Variants in TYK2 observed in about 807,000 individuals in gnomAD.
TYK2 encodes tyrosine kinase 2.
TYK2 carries 65 observed loss-of-function variants against 130.9 expected under a neutral mutation model. The ratio of observed to expected loss-of-function variants is 0.50; its 90% CI spans 0.41 to 0.61. TYK2 has a LOEUF of 0.61. TYK2 is among the 20% of genes least tolerant of loss of function. The pLI is 0.00. For synonymous variants in TYK2, 647 were observed against 658.9 expected (o/e 0.98, Z 0.28); for missense variants, 1,378 against 1,610.7 (o/e 0.86, Z 2.47).
At chr19:10,375,510 A>G (rs1052421390) in intron 3 of TYK2, among the ~76,000 whole-genome samples, 3 of 151,982 alleles carry the variant, frequency 2.0e-5, no homozygotes, top group African/African-American at 7.2e-5. Flanking sequence ...CCAGCTACTC[A>G]GGCGGCTGAG....
intron 9 of TYK2, among the ~76,000 whole-genome samples, chr19:10,363,881 TC>T (rs749334527): frequency 3.2e-4 from 49 of 151,934 alleles, no homozygotes; most frequent in Admixed American, 1.2e-3. Context: ...AATGGCCACT[TC>T]CCCCTCCCCT....
In TYK2 at chr19:10,359,305, G is replaced by T; in HGVS notation, c.2048-3C>A. The T allele has an allele frequency of 6.2e-7, 1 of 1,610,572 alleles. No homozygotes were observed. On this transcript the variant is annotated splice_region_variant and splice_polypyrimidine_tract_variant and intron_variant, in intron 14 of 24. Coordinates refer to ENST00000525621, the MANE Select transcript of TYK2 (RefSeq NM_003331.5). ...CACGTACTCTGTCACCATGATATCT[G>T]TAAAGACACAGCTGCTCTGGGGCAA...
chr19:10,358,226 G>T, intron 15 of TYK2, 88 bp from the exon 16 acceptor site: 1 of 1,327,820 alleles, frequency 7.5e-7, no homozygotes, highest in Non-Finnish European at 1.0e-6. Context: ...CAGCCAATGT[G>T]AAAAGGACAA....
At chr19:10,358,554 G>C (rs200188555) in intron 15 of TYK2, among the ~76,000 whole-genome samples, 1 of 151,956 alleles carries the variant, frequency 6.6e-6, no homozygotes, top group East Asian at 1.9e-4. Context: ...CCTGAGCTCA[G>C]GTGATCCTCC....
intron 3 of TYK2, among the ~76,000 whole-genome samples, chr19:10,377,455 G>C (rs1027413635): frequency 7.1e-6 from 1 of 141,742 alleles, no homozygotes; most frequent in African/African-American, 2.6e-5. Context: ...TGGATGAATG[G>C]GTGGGAGGAT....
At chr19:10,374,881 T>G (rs2042057796) in intron 3 of TYK2, among the ~76,000 whole-genome samples, 1 of 147,948 alleles carries the variant, frequency 6.8e-6, no homozygotes, top group Non-Finnish European at 1.5e-5. Context: ...AGACTTCGTT[T>G]CAAAAAAAAA....
chr19:10,366,041 G>C, intron 6 of TYK2, 143 bp from the exon 7 acceptor site: 1 of 967,082 alleles, frequency 1.0e-6, no homozygotes, highest in Non-Finnish European at 1.5e-6. Flanking sequence ...GGTGACTTGA[G>C]CCTGTAGTCT....
intron 23 of TYK2, among the ~76,000 whole-genome samples, chr19:10,352,225 C>A (rs1401463311): frequency 6.6e-6 from 1 of 151,956 alleles, no homozygotes; most frequent in Non-Finnish European, 1.5e-5. Flanking sequence ...GCGCCCGCCA[C>A]CACGCCTGGC....
At chr19:10,373,010 T>C (rs1374938692) in intron 3 of TYK2, among the ~76,000 whole-genome samples, 2 of 151,338 alleles carry the variant, frequency 1.3e-5, no homozygotes, top group African/African-American at 2.4e-5. Flanking sequence ...ACTACAGGCA[T>C]GTGCCACCAT....
rs748253254 is a variant in TYK2, at chr19:10,354,091, C to A, written c.2859G>T (p.Thr953=). Residue 953 remains threonine (T), a synonymous_variant, in exon 20 of 25, where the codon ACG becomes ACT. Coordinates refer to ENST00000525621, the MANE Select transcript of TYK2 (RefSeq NM_003331.5). ...GWKQEIDILR[T]LYHEHIIKYK... is the part of the protein sequence containing the mutation. Reference sequence around the variant, plus strand: ...ACTTGATGATGTGCTCGTGGTAGAGCGTGCGCAGAATGTCAATCTCCTGCT... The same window carrying A: ...ACTTGATGATGTGCTCGTGGTAGAGAGTGCGCAGAATGTCAATCTCCTGCT... 3 of 1,613,972 alleles carry A rather than the reference C, an allele frequency of 1.9e-6. No individual in the cohort carries two copies. Among genetic ancestry groups the A allele is most frequent in the Admixed American group, 1.7e-5 (1 of 60,012 alleles).
chr19:10,353,535 A>G lies in TYK2; in HGVS notation c.3020T>C (p.Ile1007Thr). The G allele has an allele frequency of 6.7e-7, 1 of 1,500,726 alleles. No individual in the cohort carries two copies. The highest frequency in any genetic ancestry group is 8.9e-7 in the Non-Finnish European group (1 of 1,121,734). 93.0% of individuals were successfully genotyped at this position (1,500,726 alleles called of 1,614,324 possible). ...GGGGCGGGGCCGACCAACCTCGCAGATCTGCTGGGCGAAGAGCAGCAGCTG... is the reference window on the plus strand; with the variant it reads ...GGGGCGGGGCCGACCAACCTCGCAGGTCTGCTGGGCGAAGAGCAGCAGCTG... ...LAQLLLFAQQ[I>T]CEGMAYLHAQ... The change falls in exon 21 of 25, where the codon ATC becomes ACC. Residue 1007 changes from isoleucine (I) to threonine (T), a missense_variant. Transcript: ENST00000525621. This position sits in a 1 kb window ranked among gnomAD's most constrained non-coding sequence, Gnocchi z 6.9.
At chr19:10,359,656 C>A (rs1339493193) in intron 14 of TYK2, among the ~76,000 whole-genome samples, 1 of 150,092 alleles carries the variant, frequency 6.7e-6, no homozygotes, top group Non-Finnish European at 1.5e-5. Context: ...GGGCAGCCTG[C>A]CCAACATGAT....
chr19:10,372,484 A>ATATATATATATATTT (rs1390400916), intron 3 of TYK2, among the ~76,000 whole-genome samples: 1 of 37,424 alleles, frequency 2.7e-5, no homozygotes, highest in African/African-American at 1.3e-4. Context: ...ATATATATAT[A>ATATATATATATATTT]TTTTTTTTTT....
chr19:10,378,031 TGGGTGGATGGATGGGTGGTTGGGA>T (rs1419127406), intron 3 of TYK2, among the ~76,000 whole-genome samples, 159 bp downstream of exon 3: 18 of 101,840 alleles, frequency 1.8e-4, no homozygotes, highest in South Asian at 3.6e-4. Context: ...GATGGGTGGG[TGGGTGGATGGATGGGTGGTTGGGA>T]GGGTGGATGG....
At chr19:10,351,901 G>C (rs540947539) in intron 23 of TYK2, among the ~76,000 whole-genome samples, 2 of 151,956 alleles carry the variant, frequency 1.3e-5, no homozygotes, top group Non-Finnish European at 2.9e-5. Flanking sequence ...CACCACGCCC[G>C]GCTAATTTTT....
In TYK2 at chr19:10,359,156, C is replaced by T. The variant is rs779772773; in HGVS notation, c.2175+19G>A. Reference sequence around the variant, plus strand: ...TGGCCCTCCCTGACCGACCCAGGCCCCACACACAGGCCACACACCAGGTAG... The same window carrying T: ...TGGCCCTCCCTGACCGACCCAGGCCTCACACACAGGCCACACACCAGGTAG... On this transcript the variant is annotated intron_variant, in intron 15 of 24. Transcript: ENST00000525621. The T allele has an allele frequency of 5.6e-6, 9 of 1,599,848 alleles. No homozygotes were observed. The Admixed American group carries it at 1.3e-4, about 24-fold the overall frequency.
At chr19:10,379,248 G>A (rs897581016) in intron 2 of TYK2, among the ~76,000 whole-genome samples, 1 of 152,068 alleles carries the variant, frequency 6.6e-6, no homozygotes, top group African/African-American at 2.4e-5. Flanking sequence ...AGGATCTCCT[G>A]AGCCCAGGAG....
At chr19:10,358,515 G>A (rs2041227299) in intron 15 of TYK2, among the ~76,000 whole-genome samples, 1 of 151,874 alleles carries the variant, frequency 6.6e-6, no homozygotes, top group Non-Finnish European at 1.5e-5. Flanking sequence ...GTGCAGTGGT[G>A]TGATCATAGC....
At position 10,361,793 on chromosome 19, in the gene TYK2, G is replaced by C; in HGVS notation, c.1936C>G (p.Pro646Ala). 1 of 1,613,642 alleles carries C rather than the reference G, an allele frequency of 6.2e-7. No individual in the cohort carries two copies. Among genetic ancestry groups the C allele is most frequent in the South Asian group, 1.1e-5 (1 of 91,072 alleles). ...ACCAGGGCGATGTCATGGTGACTAGGGTCCAGCACTTTGAGCACCACTCGT... is the reference window on the plus strand; with the variant it reads ...ACCAGGGCGATGTCATGGTGACTAGCGTCCAGCACTTTGAGCACCACTCGT... ...ELRVVLKVLD[P>A]SHHDIALAFY... Residue 646 changes from proline to alanine, a missense_variant, in exon 13 of 25, where the codon CCT (proline) becomes GCT (alanine). Transcript: ENST00000525621. This position sits in a 1 kb window ranked among gnomAD's most constrained non-coding sequence, Gnocchi z 4.0.
Sources: gnomAD v4.1 joint callset for allele counts (sites outside exome capture counted in the v4.1 genomes callset) on GRCh38, gnomAD v4.1.1 for gene constraint, Gnocchi (gnomAD v3.1) non-coding constraint, MANE v1.5 for transcripts, NCBI Gene and HGNC (gene_info 2026-07-23, HGNC 2026-07-21) for gene names.